Variants in WDPCP observed in about 807,000 individuals in gnomAD.
WDPCP encodes the protein WD repeat containing planar cell polarity effector, also known as WD repeat-containing and planar cell polarity effector protein fritz homolog.
WDPCP carries 71 observed loss-of-function variants against 93.1 expected under a neutral mutation model. That is an observed-to-expected ratio of 0.76 (90% CI 0.63 to 0.93). The LOEUF (loss-of-function observed/expected upper bound fraction) is 0.93, where lower values mean the gene tolerates loss of function less well. WDPCP is among the 40% of genes least tolerant of loss of function. The probability of loss-of-function intolerance (pLI) is 0.00; values close to 1 mark genes in which losing one functional copy is unlikely to be tolerated. For synonymous variants in WDPCP, 315 were observed against 315.0 expected, an observed-to-expected ratio of 1.00 and a Z score of 0.00; for missense variants, 844 against 887.4, an observed-to-expected ratio of 0.95 and a Z score of 0.62.
intron 1 of WDPCP, among the ~76,000 whole-genome samples, chr2:63,531,154 T>C (rs541819727): frequency 1.5e-4 from 23 of 152,322 alleles, no homozygotes; most frequent in African/African-American, 5.3e-4. Context: ...GCATCTGCCA[T>C]TGCAGAGGCT....
intron 12 of WDPCP, among the ~76,000 whole-genome samples, chr2:63,363,355 T>C (rs1349190621): frequency 6.6e-6 from 1 of 152,090 alleles, no homozygotes; most frequent in Non-Finnish European, 1.5e-5. Flanking sequence ...TCCCAGCACT[T>C]TGGGAGGCAG....
intron 12 of WDPCP, among the ~76,000 whole-genome samples, chr2:63,330,862 C>T (rs1436252434): frequency 6.9e-6 from 1 of 145,338 alleles, no homozygotes. Flanking sequence ...CACTGTTCCC[C>T]AAGGCTTTTT....
At chr2:63,180,570 G>A (rs1674166583) in intron 14 of WDPCP, among the ~76,000 whole-genome samples, 1 of 152,034 alleles carries the variant, frequency 6.6e-6, no homozygotes, top group African/African-American at 2.4e-5. Flanking sequence ...TACATTTTCT[G>A]TATCTAGTCC....
At chr2:63,594,612 A>G (rs1268447476) in intron 3 of WDPCP, 2 of 1,472,548 alleles carry the variant, frequency 1.4e-6, no homozygotes, top group African/African-American at 2.8e-5. Context: ...TATAAATCTT[A>G]AGTTATTAGA....
At chr2:63,409,006 T>C (rs542433753) in intron 9 of WDPCP, among the ~76,000 whole-genome samples, 1 of 152,298 alleles carries the variant, frequency 6.6e-6, no homozygotes, top group Non-Finnish European at 1.5e-5. Flanking sequence ...TTGGGAGTTC[T>C]AGGGCCCTGC....
At chr2:63,436,146 G>C (rs995767301) in intron 8 of WDPCP, among the ~76,000 whole-genome samples, 1 of 151,984 alleles carries the variant, frequency 6.6e-6, no homozygotes, top group Non-Finnish European at 1.5e-5. Flanking sequence ...TTTAAAGACC[G>C]ATCAATTTTA....
intron 13 of WDPCP, among the ~76,000 whole-genome samples, chr2:63,273,302 G>T (rs1057216911): frequency 6.6e-6 from 1 of 151,970 alleles, no homozygotes; most frequent in Non-Finnish European, 1.5e-5. Context: ...AACACATAAA[G>T]TATAAAACTC....
chr2:63,481,967 T>C (rs916288139), intron 6 of WDPCP, among the ~76,000 whole-genome samples: 2 of 151,470 alleles, frequency 1.3e-5, no homozygotes, highest in Non-Finnish European at 2.9e-5. Flanking sequence ...TAAAATAAAC[T>C]ACTATCCTCC....
At chr2:63,520,161 A>G (rs924043798) in intron 1 of WDPCP, among the ~76,000 whole-genome samples, 1 of 152,218 alleles carries the variant, frequency 6.6e-6, no homozygotes, top group Non-Finnish European at 1.5e-5. Context: ...GTTCTCCAAA[A>G]TAACTCAGTC....
intron 1 of WDPCP, among the ~76,000 whole-genome samples, chr2:63,531,269 T>G (rs968736743): frequency 2.0e-5 from 3 of 152,208 alleles, no homozygotes; most frequent in African/African-American, 7.2e-5. Context: ...GGGCAGGGGA[T>G]AGCTGAACAA....
At chr2:63,825,562 TTC>T (rs34144079) in intron 1 of WDPCP, among the ~76,000 whole-genome samples, 32,709 of 151,368 alleles carry the variant, frequency 0.22, 4,819 homozygotes, top group East Asian at 0.75. Context: ...CCACTCTCTA[TTC>T]TCTGCTAACA....
At chr2:63,234,952 A>G (rs1679253364) in intron 14 of WDPCP, among the ~76,000 whole-genome samples, 1 of 152,176 alleles carries the variant, frequency 6.6e-6, no homozygotes, top group Non-Finnish European at 1.5e-5. Context: ...AACATCATTA[A>G]GCTCTTCTTC....
intron 2 of WDPCP, among the ~76,000 whole-genome samples, chr2:63,764,740 C>T (rs891613938): frequency 6.6e-6 from 1 of 152,064 alleles, no homozygotes; most frequent in Non-Finnish European, 1.5e-5. Context: ...CGAGAGGCTT[C>T]CTGAGGAGAA....
chr2:63,313,884 A>AT (rs1165930717), intron 12 of WDPCP, among the ~76,000 whole-genome samples: 509 of 7,998 alleles, frequency 0.064, 7 homozygotes, highest in South Asian at 0.2. Context: ...ATATATATAT[A>AT]TATTTTTTTT....
chr2:63,333,792 G>A (rs912670364), intron 12 of WDPCP, among the ~76,000 whole-genome samples: 5 of 152,148 alleles, frequency 3.3e-5, no homozygotes, highest in African/African-American at 1.2e-4. Flanking sequence ...CAGGACCTCC[G>A]GAGGGCTGTG....
intron 1 of WDPCP, among the ~76,000 whole-genome samples, chr2:63,562,549 A>T (rs892769809): frequency 1.3e-5 from 2 of 152,150 alleles, no homozygotes; most frequent in Non-Finnish European, 2.9e-5. Context: ...AAAAATAAAA[A>T]ATTTCCAACA....
At chr2:63,623,230 A>G (rs1460468464) in intron 3 of WDPCP, among the ~76,000 whole-genome samples, 2 of 152,242 alleles carry the variant, frequency 1.3e-5, no homozygotes, top group African/African-American at 4.8e-5. Flanking sequence ...CCACTGCAAA[A>G]ACATACCAAA....
chr2:63,256,587 C>T (rs567866104), intron 14 of WDPCP, among the ~76,000 whole-genome samples: 1 of 152,240 alleles, frequency 6.6e-6, no homozygotes, highest in East Asian at 1.9e-4. Context: ...AACTTCTAAG[C>T]ACAGTCAAAC....
At chr2:63,122,098 A>T in intron 17 of WDPCP, 42 bp from the exon 18 acceptor site, 2 of 1,460,210 alleles carry the variant, frequency 1.4e-6, no homozygotes, top group Non-Finnish European at 1.9e-6. Context: ...GCAGAGTAAA[A>T]AGTAATTGAC....
Sources: gnomAD v4.1 joint callset for allele counts (sites outside exome capture counted in the v4.1 genomes callset) on GRCh38, gnomAD v4.1.1 for gene constraint, MANE v1.5 for transcripts, NCBI Gene and HGNC (gene_info 2026-07-23, HGNC 2026-07-21) for gene names.